Variants in ENTREP1 observed in about 807,000 individuals in gnomAD.
ENTREP1 encodes Friedreich ataxia region gene X123.
the ENTREP1 span, chr9:69,329,834 G>A: frequency 6.7e-4 from 126 of 187,934 alleles, 1 homozygote; most frequent in South Asian, 2.9e-3. Context: ...GGGTATGGGC[G>A]TTAATGTTAA....
chr9:69,367,666 TAC>T, the ENTREP1 span, among the ~76,000 whole-genome samples: 38 of 42,524 alleles, frequency 8.9e-4, 1 homozygote, highest in African/African-American at 2.9e-3. Context: ...AATATATATA[TAC>T]ACACATATAT....
the ENTREP1 span, among the ~76,000 whole-genome samples, chr9:69,362,262 A>C: frequency 2.0e-5 from 3 of 152,170 alleles, no homozygotes; most frequent in Non-Finnish European, 2.9e-5. Flanking sequence ...AAGCTGTGAT[A>C]GGCATAATTA....
At chr9:69,358,480 TCTACCCCACTGGAGA>T in the ENTREP1 span, among the ~76,000 whole-genome samples, 5 of 152,352 alleles carry the variant, frequency 3.3e-5, no homozygotes, top group East Asian at 9.6e-4. Flanking sequence ...TTTCAGATTT[TCTACCCCACTGGAGA>T]AAAGCATTTT....
chr9:69,325,032 C>T, the ENTREP1 span: 1 of 985,404 alleles, frequency 1.0e-6, no homozygotes, highest in South Asian at 4.7e-5. Flanking sequence ...CTTGCCCCGG[C>T]ACAGCGCGAG....
the ENTREP1 span, among the ~76,000 whole-genome samples, chr9:69,340,674 T>C: frequency 7.1e-6 from 1 of 140,642 alleles, no homozygotes; most frequent in African/African-American, 2.7e-5. Context: ...TGCGTGTGTG[T>C]GTGCATGCAT....
At chr9:69,326,938 T>A in the ENTREP1 span, among the ~76,000 whole-genome samples, 2 of 150,282 alleles carry the variant, frequency 1.3e-5, no homozygotes, top group Non-Finnish European at 2.9e-5. Flanking sequence ...GTAAGATGTA[T>A]AATCAGTGTA....
chr9:69,340,595 A>ATGCATGTGTGTGTG, the ENTREP1 span, among the ~76,000 whole-genome samples: 35 of 145,700 alleles, frequency 2.4e-4, no homozygotes, highest in African/African-American at 6.8e-4. Context: ...GTATGTGTGC[A>ATGCATGTGTGTGTG]TGCATGTGTG....
chr9:69,375,323 G>A, the ENTREP1 span, among the ~76,000 whole-genome samples: 1 of 152,128 alleles, frequency 6.6e-6, no homozygotes, highest in South Asian at 2.1e-4. Context: ...CTTGCACCAA[G>A]TGCAAAAAAT....
the ENTREP1 span, among the ~76,000 whole-genome samples, chr9:69,370,259 G>C: frequency 6.6e-6 from 1 of 152,130 alleles, no homozygotes. Context: ...TGGGTTTAAG[G>C]ATTACAGATA....
At chr9:69,364,554 A>C in the ENTREP1 span, among the ~76,000 whole-genome samples, 4 of 152,132 alleles carry the variant, frequency 2.6e-5, no homozygotes, top group Non-Finnish European at 5.9e-5. Context: ...CTTGAGATAC[A>C]AATTTGGGTC....
chr9:69,336,331 A>G, the ENTREP1 span: 5 of 999,622 alleles, frequency 5.0e-6, no homozygotes, highest in South Asian at 5.9e-5. Flanking sequence ...AAGTCTGTTC[A>G]TATAAACCAC....
the ENTREP1 span, chr9:69,391,716 G>GGAGGCCCCGAGCCGA: frequency 1.2e-6 from 2 of 1,613,852 alleles, no homozygotes; most frequent in Non-Finnish European, 1.7e-6. Flanking sequence ...ACACCAGCGG[G>GGAGGCCCCGAGCCGA]GAGGCCCCGA....
the ENTREP1 span, among the ~76,000 whole-genome samples, chr9:69,360,325 C>T: frequency 1.3e-5 from 2 of 152,286 alleles, no homozygotes; most frequent in South Asian, 2.1e-4. Context: ...GCATTGTAGA[C>T]AATTAGGAAA....
At chr9:69,340,840 TTG>T in the ENTREP1 span, among the ~76,000 whole-genome samples, 37 of 151,310 alleles carry the variant, frequency 2.4e-4, no homozygotes, top group African/African-American at 6.8e-4. Context: ...GTATTCTAGG[TTG>T]TGTGTTTTCC....
At chr9:69,340,813 A>G in the ENTREP1 span, among the ~76,000 whole-genome samples, 3,463 of 140,440 alleles carry the variant, frequency 0.025, 133 homozygotes, top group African/African-American at 0.087. Flanking sequence ...GTGTGTGTGT[A>G]TGTGTGTGTG....
At chr9:69,370,527 T>C in the ENTREP1 span, among the ~76,000 whole-genome samples, 11 of 152,146 alleles carry the variant, frequency 7.2e-5, no homozygotes, top group East Asian at 3.8e-4. Context: ...ACAGGCTGCA[T>C]CCAAATTAAC....
At chr9:69,371,983 G>GGT in the ENTREP1 span, among the ~76,000 whole-genome samples, 460 of 152,268 alleles carry the variant, frequency 3.0e-3, 2 homozygotes, top group African/African-American at 0.011. Context: ...TTGGAGGCCA[G>GGT]GTGTGTGTCA....
chr9:69,325,626 T>C, the ENTREP1 span: 2 of 1,230,602 alleles, frequency 1.6e-6, no homozygotes, highest in Admixed American at 4.2e-5. Flanking sequence ...CTTCAGCTGA[T>C]CTTGGGCTGC....
the ENTREP1 span, among the ~76,000 whole-genome samples, chr9:69,334,775 C>CTTTTTTTTTTTTTTTTTTTTTTTTT: frequency 7.7e-6 from 1 of 130,598 alleles, no homozygotes. Flanking sequence ...CTTTCCTTTT[C>CTTTTTTTTTTTTTTTTTTTTTTTTT]TTTTTTTTTT....
Sources: gnomAD v4.1 joint callset for allele counts (sites outside exome capture counted in the v4.1 genomes callset) on GRCh38, gnomAD v4.1.1 for gene constraint, MANE v1.5 for transcripts, NCBI Gene and HGNC (gene_info 2026-07-23, HGNC 2026-07-21) for gene names.